WDR35: variants seen among roughly 807,000 people sequenced by gnomAD.
The protein encoded by WDR35 is WD repeat-containing protein 35.
A neutral mutation model predicts 158.3 loss-of-function variants in WDR35; 118 were observed. The ratio of observed to expected loss-of-function variants is 0.75; its 90% CI spans 0.64 to 0.87. The LOEUF is 0.87. Among genes scored for constraint, WDR35 ranks in the 40% least tolerant of loss-of-function variants. WDR35 has a pLI of 0.00. For synonymous variants in WDR35, 448 were observed against 476.1 expected, an observed-to-expected ratio of 0.94 and a Z score of 0.77; for missense variants, 1,263 against 1,405.8, an observed-to-expected ratio of 0.90 and a Z score of 1.62.
At chr2:19,965,954 T>G (rs1242286293) in intron 10 of WDR35, among the ~76,000 whole-genome samples, 2 of 152,220 alleles carry the variant, frequency 1.3e-5, no homozygotes. Context: ...TTCTTAGGTC[T>G]GCTAAGGTAA....
Position 19,938,763 on chromosome 2 carries a change from C to T in WDR35, c.1927-362G>A, listed in dbSNP as rs146465709. Reference sequence around the variant, plus strand: ...GCACAATGCCTAGCTGTACTATTTACGGTATTCAATATTCATCATCTCAGA... The same window carrying T: ...GCACAATGCCTAGCTGTACTATTTATGGTATTCAATATTCATCATCTCAGA... On this transcript the variant is annotated intron_variant, in intron 17 of 26. Coordinates refer to ENST00000281405, the MANE Select transcript of WDR35 (RefSeq NM_020779.4). Among the ~76,000 whole-genome samples, 449 of 152,244 alleles carry T rather than the reference C, an allele frequency of 2.9e-3. 1 individual carries two copies. Among genetic ancestry groups the T allele is most frequent in the Non-Finnish European group, 4.8e-3 (325 of 68,026 alleles).
chr2:19,968,023 T>G (rs1040279764), intron 9 of WDR35, among the ~76,000 whole-genome samples: 8 of 152,188 alleles, frequency 5.3e-5, no homozygotes, highest in African/African-American at 1.9e-4. Context: ...TCTCAGTCTT[T>G]CCTTGCTTTT....
chr2:19,962,878 AT>A (rs1671708641), intron 10 of WDR35, among the ~76,000 whole-genome samples: 1 of 152,154 alleles, frequency 6.6e-6, no homozygotes, highest in Non-Finnish European at 1.5e-5. Flanking sequence ...TTTTTAATAT[AT>A]TTTTCATTTT....
intron 2 of WDR35, among the ~76,000 whole-genome samples, chr2:19,988,487 G>A (rs1672644231): frequency 6.6e-6 from 1 of 152,136 alleles, no homozygotes; most frequent in African/African-American, 2.4e-5. Flanking sequence ...ATCCAAAAAT[G>A]TAATGCAGTT....
At chr2:19,984,211 A>G (rs1275941104) in intron 2 of WDR35, among the ~76,000 whole-genome samples, 1 of 152,168 alleles carries the variant, frequency 6.6e-6, no homozygotes, top group Non-Finnish European at 1.5e-5. Flanking sequence ...TCAGCTTGAT[A>G]TATTGAACAA....
chr2:19,988,501 C>A (rs933877481), intron 2 of WDR35, among the ~76,000 whole-genome samples: 1 of 152,120 alleles, frequency 6.6e-6, no homozygotes, highest in Non-Finnish European at 1.5e-5. Context: ...TGCAGTTTAA[C>A]CCCCTACATT....
chr2:19,985,740 A>G (rs1246584685), intron 2 of WDR35, among the ~76,000 whole-genome samples: 1 of 145,794 alleles, frequency 6.9e-6, no homozygotes, highest in Non-Finnish European at 1.5e-5. Context: ...AAAAAAAAAT[A>G]CAAAAAATTA....
chr2:19,969,355 C>A, intron 9 of WDR35, 125 bp downstream of exon 9: 2 of 1,026,104 alleles, frequency 1.9e-6, no homozygotes, highest in East Asian at 2.7e-5. Context: ...GTTCTAAAAT[C>A]TTCACACAAA....
In WDR35 at chr2:19,951,436, A is replaced by G; in HGVS notation, c.1449T>C (p.Leu483=). ...CTACTTGAATGGTTTTACTATAATCAAGCACACCATCCATTGATCCAGAAG... is the reference window on the plus strand; with the variant it reads ...CTACTTGAATGGTTTTACTATAATCGAGCACACCATCCATTGATCCAGAAG... The part of the protein sequence containing the change: ...DTPSGSMDGV[L]DYSKTIQGTR... Residue 483 remains leucine, a synonymous_variant, in exon 13 of 27, where the codon CTT becomes CTC. Transcript: ENST00000281405. 1 of 1,611,600 alleles carries G rather than the reference A, an allele frequency of 6.2e-7. No homozygotes were observed. The highest frequency in any genetic ancestry group is 8.5e-7 in the Non-Finnish European group (1 of 1,178,598).
At position 19,916,589 on chromosome 2, in the gene WDR35, G is replaced by A. The variant is rs185526548; in HGVS notation, c.3122-2312C>T. Among the ~76,000 whole-genome samples the A allele has an allele frequency of 2.2e-4, 33 of 152,286 alleles. No homozygotes were observed. In the East Asian group the frequency reaches 4.3e-3, roughly 20 times the overall value. Reference sequence around the variant, plus strand: ...CACCATTGCTGAGGCTTGAGTAGGCGGTTTCACCCTCACAGTGTAAACAAA... The same window carrying A: ...CACCATTGCTGAGGCTTGAGTAGGCAGTTTCACCCTCACAGTGTAAACAAA... On this transcript the variant is annotated intron_variant, in intron 25 of 26. Transcript: ENST00000281405.
Position 19,931,267 on chromosome 2 carries a change from A to G in WDR35, c.2964+2T>C. Reference sequence around the variant, plus strand: ...GTAATGTTATTTAACGTGCTACTTTACCTCTGAACTTTTTCCTTTAACTTT... The same window carrying G: ...GTAATGTTATTTAACGTGCTACTTTGCCTCTGAACTTTTTCCTTTAACTTT... On this transcript the variant is annotated splice_donor_variant, in intron 24 of 26. Transcript: ENST00000281405. LOFTEE classifies it high-confidence loss of function. 6.2e-7 allele frequency: 1 copy of G among 1,609,122 alleles called. No individual in the cohort carries two copies. The highest frequency in any genetic ancestry group is 8.5e-7 in the Non-Finnish European group (1 of 1,178,740).
Position 19,960,559 on chromosome 2 carries a change from T to A in WDR35, c.1250A>T (p.Asp417Val), listed in dbSNP as rs371757004. Residue 417 changes from aspartate to valine, a missense_variant, in exon 11 of 27, where the codon GAT becomes GTT. Physicochemically the swap from Asp to Val is radical, Grantham distance 152. Transcript: ENST00000281405. ...IGTPLDPKYI[D>V]IVPLFVAMTK... Reference sequence around the variant, plus strand: ...AAATATCAACATTTCCTTACCAATATCAATGTATTTGGGATCCAAGGGTGT... The same window carrying A: ...AAATATCAACATTTCCTTACCAATAACAATGTATTTGGGATCCAAGGGTGT... 40 of 1,605,362 alleles carry A rather than the reference T, an allele frequency of 2.5e-5. No homozygotes were observed. Among genetic ancestry groups the A allele is most frequent in the Non-Finnish European group, 2.4e-5 (28 of 1,173,338 alleles).
rs186846285 is a variant in WDR35, at chr2:19,971,987, A to G, written c.882+1576T>C. Among the ~76,000 whole-genome samples the G allele has an allele frequency of 5.7e-3, 875 of 152,294 alleles. 2 individuals are homozygous for G. Among genetic ancestry groups the G allele is most frequent in the Non-Finnish European group, 6.5e-3 (440 of 68,020 alleles). On this transcript the variant is annotated intron_variant, in intron 8 of 26. Coordinates refer to ENST00000281405, the MANE Select transcript of WDR35 (RefSeq NM_020779.4). ...CTAAATAACTTCTCTACGTCAAACT[A>G]CACTGTGGAAAATGAATTCAATACC...
intron 11 of WDR35, among the ~76,000 whole-genome samples, chr2:19,959,704 G>C (rs1424552978): frequency 3.3e-5 from 5 of 151,646 alleles, no homozygotes; most frequent in Admixed American, 6.6e-5. Context: ...ACACTCAAAA[G>C]GCAACAGGCA....
intron 13 of WDR35, among the ~76,000 whole-genome samples, chr2:19,950,016 T>C (rs1041931334): frequency 2.6e-5 from 4 of 152,100 alleles, no homozygotes; most frequent in Admixed American, 1.3e-4. Flanking sequence ...TATTCAGAAA[T>C]TGAAAAAACT....
At position 19,969,351 on chromosome 2, in the gene WDR35, A is replaced by T. The variant is rs1391739431; in HGVS notation, c.1008+129T>A. ...ATTCTAGAAAAGTTTACTAGTTCTA[A>T]AATCTTCACACAAAAAGGCTTCCTT... On this transcript the variant is annotated intron_variant, in intron 9 of 26. Coordinates refer to ENST00000281405, the MANE Select transcript of WDR35 (RefSeq NM_020779.4). 4.5e-5 allele frequency: 45 copies of T among 995,938 alleles called. No homozygotes were observed. The South Asian group carries it at 7.4e-4, about 16-fold the overall frequency. The allele number at this position is 995,938 out of a possible 1,614,324, so 61.7% of individuals were successfully genotyped here. A position where few individuals can be genotyped will look rare whatever the true frequency, so the allele number is the denominator to read the frequency against.
At chr2:19,957,433 A>T (rs1159991989) in intron 11 of WDR35, among the ~76,000 whole-genome samples, 1 of 152,210 alleles carries the variant, frequency 6.6e-6, no homozygotes. Flanking sequence ...AAAGCAAAAC[A>T]AAATCTTAAC....
Position 19,952,785 on chromosome 2 carries a change from T to TC in WDR35, c.1400+1048_1400+1049insG, listed in dbSNP as rs1479752080. On this transcript the variant is annotated intron_variant, in intron 12 of 26. Transcript: ENST00000281405. ...TGAATTCGCATACTCAACATACTTT[T>TC]TTTTTTTTTTTTTTTTTTTTTGAGA... 6.4e-3 allele frequency among the ~76,000 whole-genome samples: 890 copies of TC among 139,652 alleles called. 11 individuals are homozygous for TC. Among genetic ancestry groups the TC allele is most frequent in the African/African-American group, 0.022 (842 of 37,754 alleles). The allele number at this position is 139,652 out of a possible 152,430, so 91.6% of individuals were successfully genotyped here. A position where few individuals can be genotyped will look rare whatever the true frequency, so the allele number is the denominator to read the frequency against.
intron 10 of WDR35, among the ~76,000 whole-genome samples, chr2:19,964,217 A>G (rs1335274636): frequency 6.6e-6 from 1 of 152,094 alleles, no homozygotes; most frequent in Non-Finnish European, 1.5e-5. Flanking sequence ...AAATTCTACA[A>G]TGATGTGTCT....
Sources: gnomAD v4.1 joint callset for allele counts (sites outside exome capture counted in the v4.1 genomes callset) on GRCh38, gnomAD v4.1.1 for gene constraint, MANE v1.5 for transcripts, NCBI Gene and HGNC (gene_info 2026-07-23, HGNC 2026-07-21) for gene names.